Variants in MOV10 observed in about 807,000 individuals in gnomAD.
The protein encoded by MOV10 is RNA helicase MOV-10.
In MOV10, 39 loss-of-function variants were observed where a neutral mutation model predicts 108.4. The observed-to-expected ratio is 0.36, with a 90% CI of 0.28 to 0.47. The LOEUF (loss-of-function observed/expected upper bound fraction) is 0.47, where lower values mean the gene tolerates loss of function less well. Ranked by LOEUF, MOV10 falls within the 20% of genes least tolerant of loss-of-function variation. The pLI is 1.00. For synonymous variants in MOV10, 490 were observed against 523.1 expected (o/e 0.94, Z 0.86); for missense variants, 952 against 1,297.6 (o/e 0.73, Z 4.09).
chr1:112,692,734 C>G (rs1267238358), intron 6 of MOV10, 27 bp from the exon 7 acceptor site: 2 of 1,612,188 alleles, frequency 1.2e-6, no homozygotes, highest in Non-Finnish European at 1.7e-6. Context: ...CCTGCCCCCA[C>G]TCACCCCTCC....
chr1:112,693,827 G>C, intron 7 of MOV10, 191 bp from the exon 8 acceptor site: 1 of 549,778 alleles, frequency 1.8e-6, no homozygotes, highest in South Asian at 2.3e-5. Flanking sequence ...CGGAGGATTT[G>C]TCTTCTTCCT....
chr1:112,693,904 T>G, intron 7 of MOV10, 114 bp from the exon 8 acceptor site: 1 of 841,280 alleles, frequency 1.2e-6, no homozygotes. Flanking sequence ...CCCTGAGTCT[T>G]AGGTTAGAAG....
intron 2 of MOV10, chr1:112,687,165 A>G (rs1415013168): frequency 1.9e-5 from 7 of 364,868 alleles, no homozygotes; most frequent in East Asian, 7.5e-5. Flanking sequence ...TTCTACTAAT[A>G]TAAATACTAA....
Position 112,694,690 on chromosome 1 carries a change from C to A in MOV10, c.1473-59C>A. The A allele has an allele frequency of 1.3e-6, 2 of 1,596,422 alleles. No homozygotes were observed. The highest frequency in any genetic ancestry group is 1.7e-6 in the Non-Finnish European group (2 of 1,168,976). On this transcript the variant is annotated intron_variant, in intron 9 of 20. Coordinates refer to ENST00000369645, the MANE Select transcript of MOV10 (RefSeq NM_001321324.2). The surrounding 1 kb of genome is among the most constrained non-coding windows in gnomAD (Gnocchi z 4.1). ...GGAGTGTGGGCACAGGGGGTGGAGT[C>A]AGGGAGGCCTCTGGGTCACTGGATG...
At chr1:112,684,779 T>C (rs1305259397) in intron 2 of MOV10, among the ~76,000 whole-genome samples, 1 of 152,226 alleles carries the variant, frequency 6.6e-6, no homozygotes, top group Non-Finnish European at 1.5e-5. Flanking sequence ...TTAATTTGCA[T>C]TTCTCTACAT....
intron 2 of MOV10, among the ~76,000 whole-genome samples, chr1:112,682,368 C>T (rs1239033646): frequency 2.0e-5 from 3 of 152,144 alleles, no homozygotes; most frequent in South Asian, 4.1e-4. Flanking sequence ...GGACCATAGG[C>T]GTGTGCCACT....
At chr1:112,686,221 A>G (rs553149839) in intron 2 of MOV10, among the ~76,000 whole-genome samples, 5 of 152,310 alleles carry the variant, frequency 3.3e-5, no homozygotes, top group African/African-American at 4.8e-5. Flanking sequence ...GTGACTCTCA[A>G]AAATGGACTG....
In MOV10 at chr1:112,689,641, C is replaced by T; in HGVS notation, c.568C>T (p.Leu190=). The T allele has an allele frequency of 3.7e-6, 6 of 1,614,118 alleles. No individual in the cohort carries two copies. The highest frequency in any genetic ancestry group is 5.1e-6 in the Non-Finnish European group (6 of 1,179,970). Residue 190 remains leucine, a synonymous_variant, in exon 4 of 21, where the codon CTG becomes TTG. Transcript: ENST00000369645. ...TGAAGACCAGGAGTTGCCCTGTCCA[C>T]TGGGCCCCGGTGAGTGAGTTTCCAA... ...YNEDQELPCP[L]GPGECYELHV... is the part of the protein sequence containing the mutation.
In MOV10 at chr1:112,695,407, G is replaced by A. The variant is rs1193286339; in HGVS notation, c.1621-9G>A. ...CCTGCCTCCCACACTGCGCTTATCT[G>A]CATCTCAGGTGGTGAAGCACTTGCC... On this transcript the variant is annotated splice_polypyrimidine_tract_variant and intron_variant, in intron 10 of 20. Coordinates refer to ENST00000369645, the MANE Select transcript of MOV10 (RefSeq NM_001321324.2). The A allele has an allele frequency of 6.2e-7, 1 of 1,613,548 alleles. No homozygotes were observed. Among genetic ancestry groups the A allele is most frequent in the African/African-American group, 1.3e-5 (1 of 74,924 alleles).
rs1443824298 is a variant in MOV10 at position 112,677,177 on chromosome 1, C to G, written c.137+2128C>G. ...GGTGGAAAGGCCTTCTATGTGGGTT[C>G]ATATTCTATCCTGAGACCCAGTGAA... On this transcript the variant is annotated intron_variant, in intron 2 of 20. Coordinates refer to ENST00000369645, the MANE Select transcript of MOV10 (RefSeq NM_001321324.2). Among the ~76,000 whole-genome samples, 4 of 152,136 alleles carry G rather than the reference C, an allele frequency of 2.6e-5. No homozygotes were observed. In the East Asian group the frequency reaches 7.7e-4, roughly 29 times the overall value.
Position 112,689,849 on chromosome 1 carries a change from A to G in MOV10, c.587A>G (p.Tyr196Cys), listed in dbSNP as rs199744267. Reference protein sequence around the residue: ...LPCPLGPGECYELHVHCKTSF... With the variant: ...LPCPLGPGECCELHVHCKTSF... ...ATCCATTCTCCTCCAGGTGAATGCT[A>G]TGAACTCCATGTCCATTGTAAGACC... Residue 196 changes from tyrosine to cysteine, a missense_variant, in exon 5 of 21, where the codon TAT (tyrosine) becomes TGT (cysteine). Tyr to Cys is a radical substitution (Grantham distance 194, BLOSUM62 -2). Coordinates refer to ENST00000369645, the MANE Select transcript of MOV10 (RefSeq NM_001321324.2). The G allele has an allele frequency of 1.6e-5, 26 of 1,613,906 alleles. No individual in the cohort carries two copies. Among genetic ancestry groups the G allele is most frequent in the Non-Finnish European group, 2.0e-5 (24 of 1,179,984 alleles).
At position 112,682,921 on chromosome 1, in the gene MOV10, C is replaced by CTT. The variant is rs36031191; in HGVS notation, c.138-5999_138-5998dup. The stretch of plus-strand genomic sequence containing the variant: ...TTCTGAATGAAGCTCCTAGGAACAT[C>CTT]TTTTTTTTTTTTTTTTGAGACGGAG... On this transcript the variant is annotated intron_variant, in intron 2 of 20. Transcript: ENST00000369645. 7.7e-3 allele frequency among the ~76,000 whole-genome samples: 1,051 copies of CTT among 137,256 alleles called. 22 individuals carry two copies. Among genetic ancestry groups the CTT allele is most frequent in the African/African-American group, 0.014 (526 of 36,882 alleles). 90.0% of individuals were successfully genotyped at this position (137,256 alleles called of 152,430 possible).
chr1:112,688,691 A>G lies in MOV10; in HGVS notation c.138-244A>G. 2.8e-6 allele frequency: 4 copies of G among 1,416,356 alleles called. No homozygotes were observed. In the South Asian group the frequency reaches 6.1e-5, roughly 22 times the overall value. 87.7% of individuals were successfully genotyped at this position (1,416,356 alleles called of 1,614,324 possible). Reference sequence around the variant, plus strand: ...GGGCTTTTCCCCTCAGAAACGAACAATCCAGAACCCACTGTTTAAAACAAC... The same window carrying G: ...GGGCTTTTCCCCTCAGAAACGAACAGTCCAGAACCCACTGTTTAAAACAAC... On this transcript the variant is annotated intron_variant, in intron 2 of 20. Coordinates refer to ENST00000369645, the MANE Select transcript of MOV10 (RefSeq NM_001321324.2).
chr1:112,692,137 C>T (rs964755918), intron 6 of MOV10, among the ~76,000 whole-genome samples: 3 of 152,080 alleles, frequency 2.0e-5, no homozygotes, highest in Non-Finnish European at 2.9e-5. Context: ...CAAGACCAGC[C>T]TGGGGCAACA....
chr1:112,690,933 T>G (rs143045338), intron 5 of MOV10, among the ~76,000 whole-genome samples: 1 of 152,324 alleles, frequency 6.6e-6, no homozygotes, highest in Non-Finnish European at 1.5e-5. Context: ...GCGTAGGATA[T>G]GTGTAGACAT....
chr1:112,682,045 G>A lies in MOV10; in HGVS notation c.138-6890G>A, dbSNP rs144460083. Among the ~76,000 whole-genome samples, 1,170 of 152,086 alleles carry A rather than the reference G, an allele frequency of 7.7e-3. 17 individuals carry two copies. The highest frequency in any genetic ancestry group is 0.027 in the African/African-American group (1,104 of 41,500). ...CAAGTAGCTGGGACTACAGGCATGC[G>A]CCACCATGCCCAGCTAATTTTTTGT... is the stretch of plus-strand genomic sequence containing the variant. On this transcript the variant is annotated intron_variant, in intron 2 of 20. Coordinates refer to ENST00000369645, the MANE Select transcript of MOV10 (RefSeq NM_001321324.2).
chr1:112,696,942 G>T, intron 14 of MOV10, 96 bp downstream of exon 14: 2 of 1,043,614 alleles, frequency 1.9e-6, no homozygotes, highest in Admixed American at 4.3e-5. Context: ...CAGTCCTGTT[G>T]CTCAGAGGTT....
chr1:112,696,658 T>G lies in MOV10; in HGVS notation c.2010T>G (p.Asp670Glu). 1 of 1,611,806 alleles carries G rather than the reference T, an allele frequency of 6.2e-7. No homozygotes were observed. Among genetic ancestry groups the G allele is most frequent in the African/African-American group, 1.3e-5 (1 of 75,002 alleles). Residue 670 changes from aspartate to glutamate, a missense_variant, in exon 14 of 21, where the codon GAT becomes GAG. Asp to Glu is a conservative substitution (Grantham distance 45). Coordinates refer to ENST00000369645, the MANE Select transcript of MOV10 (RefSeq NM_001321324.2). ...AGLMEVKETGDPGGQLVLAGD... is the reference protein window; with the variant it reads ...AGLMEVKETGEPGGQLVLAGD... ...TGATGGAAGTAAAGGAAACAGGTGATCCAGGAGGGCAGCTGGTGCTGGCAG... is the reference window on the plus strand; with the variant it reads ...TGATGGAAGTAAAGGAAACAGGTGAGCCAGGAGGGCAGCTGGTGCTGGCAG...
intron 20 of MOV10, 37 bp downstream of exon 20, chr1:112,700,377 G>C (rs1335815234): frequency 5.0e-6 from 8 of 1,613,984 alleles, no homozygotes; most frequent in Non-Finnish European, 6.8e-6. Flanking sequence ...TGCCAGAGGA[G>C]GTGGTAAGGA....
Sources: allele counts gnomAD v4.1 joint callset (sites outside exome capture counted in the v4.1 genomes callset), GRCh38; gene constraint gnomAD v4.1.1; non-coding constraint Gnocchi (gnomAD v3.1); transcripts MANE v1.5; gene names NCBI Gene and HGNC (gene_info 2026-07-23, HGNC 2026-07-21).